The following CDK4 variants were observed in gnomAD, a reference collection of about 807,000 sequenced individuals.
The protein encoded by CDK4 is cyclin dependent kinase 4.
Under a neutral mutation model 36.7 loss-of-function variants are expected in CDK4, and 13 were observed. That is an observed-to-expected ratio of 0.35 (90% CI 0.23 to 0.56). The LOEUF (loss-of-function observed/expected upper bound fraction) is 0.56, where lower values mean the gene tolerates loss of function less well. CDK4 is among the 20% of genes least tolerant of loss of function. The probability of loss-of-function intolerance (pLI) is 0.85; values close to 1 mark genes in which losing one functional copy is unlikely to be tolerated. For synonymous variants in CDK4, 158 were observed against 146.4 expected, an observed-to-expected ratio of 1.08 and a Z score of -0.57; for missense variants, 285 against 387.3, an observed-to-expected ratio of 0.74 and a Z score of 2.22.
chr12:57,748,764 G>A (rs1277550178), intron 7 of CDK4, 147 bp from the exon 8 acceptor site: 4 of 643,770 alleles, frequency 6.2e-6, no homozygotes, highest in Non-Finnish European at 1.1e-5. Flanking sequence ...GGAGTGCAAT[G>A]GTATGATCTC....
At chr12:57,749,160 T>G (rs1595108591) in intron 7 of CDK4, 22 bp downstream of exon 7, 1 of 1,613,986 alleles carries the variant, frequency 6.2e-7, no homozygotes, top group East Asian at 2.2e-5. Flanking sequence ...TCTTTCCCTG[T>G]GCCCACAGCC....
chr12:57,749,121 C>T (rs1480993411), intron 7 of CDK4, 61 bp downstream of exon 7: 2 of 1,605,924 alleles, frequency 1.2e-6, no homozygotes, highest in Non-Finnish European at 1.7e-6. Context: ...GCCCTGCATA[C>T]TGCTCTATTT....
chr12:57,749,050 C>T, intron 7 of CDK4, 132 bp downstream of exon 7: 1 of 1,162,356 alleles, frequency 8.6e-7, no homozygotes, highest in Non-Finnish European at 1.3e-6. Context: ...TGGCTATTTG[C>T]AGCTGTAATA....
At position 57,751,703 on chromosome 12, in the gene CDK4, T is replaced by G. The variant is rs778325523; in HGVS notation, c.15A>C (p.Arg5=). 1 of 1,614,132 alleles carries G rather than the reference T, an allele frequency of 6.2e-7. No individual in the cohort carries two copies. The highest frequency in any genetic ancestry group is 8.5e-7 in the Non-Finnish European group (1 of 1,180,038). Residue 5 remains arginine, a synonymous_variant, in exon 2 of 8, where the codon CGA becomes CGC. Coordinates refer to ENST00000257904, the MANE Select transcript of CDK4 (RefSeq NM_000075.4). The surrounding 1 kb of genome is among the most constrained non-coding windows in gnomAD (Gnocchi z 4.5). The part of the protein sequence containing the change: MATS[R]YEPVAEIGVG... Reference sequence around the variant, plus strand: ...CACCAATTTCAGCCACTGGCTCATATCGAGAGGTAGCCATTCTCAGATCAA... The same window carrying G: ...CACCAATTTCAGCCACTGGCTCATAGCGAGAGGTAGCCATTCTCAGATCAA...
At chr12:57,752,076 T>C (rs1955244038) in intron 1 of CDK4, 99 bp downstream of exon 1, 1 of 373,708 alleles carries the variant, frequency 2.7e-6, no homozygotes, top group African/African-American at 2.1e-5. Flanking sequence ...CTTCCCGCCC[T>C]TGAGCGACCC....
chr12:57,748,047 T>C lies in CDK4; in HGVS notation c.*478A>G, dbSNP rs1595107128. 3 of 258,588 alleles carry C rather than the reference T, an allele frequency of 1.2e-5. No individual in the cohort carries two copies. The South Asian group carries it at 2.8e-4, about 25-fold the overall frequency. The allele number at this position is 258,588 out of a possible 1,614,324, so 16.0% of individuals were successfully genotyped here. On this transcript the variant is annotated 3_prime_UTR_variant, in exon 8 of 8. Transcript: ENST00000257904. The stretch of plus-strand genomic sequence containing the variant: ...GTGAGCCACCACGCCCCGCCTAAAA[T>C]CCATATTCAAAGAAGCAATTTCAGT...
At position 57,750,640 on chromosome 12, in the gene CDK4, T is replaced by C. The variant is rs1240250642; in HGVS notation, c.632+16A>G. 3 of 1,540,394 alleles carry C rather than the reference T, an allele frequency of 1.9e-6. No homozygotes were observed. Among genetic ancestry groups the C allele is most frequent in the Non-Finnish European group, 2.7e-6 (3 of 1,112,762 alleles). On this transcript the variant is annotated intron_variant, in intron 5 of 7. Transcript: ENST00000257904. ...TTGGGGAATTCAAGGTAGTCCAGGGTATGTGGGTCCCATACTTTCGACGAA... is the reference window on the plus strand; with the variant it reads ...TTGGGGAATTCAAGGTAGTCCAGGGCATGTGGGTCCCATACTTTCGACGAA...
rs771607042 is a variant in CDK4, at chr12:57,751,719, C to G, written c.-2G>C. ...TGGCTCATATCGAGAGGTAGCCATT[C>G]TCAGATCAAGGGAGACCCTACAATC... On this transcript the variant is annotated 5_prime_UTR_variant, in exon 2 of 8. Transcript: ENST00000257904. This position sits in a 1 kb window ranked among gnomAD's most constrained non-coding sequence, Gnocchi z 4.5. 6.2e-7 allele frequency: 1 copy of G among 1,614,022 alleles called. No individual in the cohort carries two copies. The highest frequency in any genetic ancestry group is 8.5e-7 in the Non-Finnish European group (1 of 1,179,916).
Position 57,748,228 on chromosome 12 carries a change from A to T in CDK4, c.*297T>A. 2.6e-6 allele frequency: 1 copy of T among 384,040 alleles called. No homozygotes were observed. Among genetic ancestry groups the T allele is most frequent in the Non-Finnish European group, 4.8e-6 (1 of 206,670 alleles). The allele number at this position is 384,040 out of a possible 1,614,324, so 23.8% of individuals were successfully genotyped here. ...AAACAGAGGAAGAAACATTAAAAAA[A>T]AAAAAAAGACCATTATTTCTTTGTT... On this transcript the variant is annotated 3_prime_UTR_variant, in exon 8 of 8. Transcript: ENST00000257904.
At chr12:57,749,886 A>G (rs1328183476) in intron 5 of CDK4, 2 of 299,620 alleles carry the variant, frequency 6.7e-6, no homozygotes, top group African/African-American at 2.2e-5. Flanking sequence ...GGTCCCAGCT[A>G]CTTGGGAGGC....
chr12:57,748,048 C>T lies in CDK4; in HGVS notation c.*477G>A, dbSNP rs1332147070. On this transcript the variant is annotated 3_prime_UTR_variant, in exon 8 of 8. Coordinates refer to ENST00000257904, the MANE Select transcript of CDK4 (RefSeq NM_000075.4). Reference sequence around the variant, plus strand: ...TGAGCCACCACGCCCCGCCTAAAATCCATATTCAAAGAAGCAATTTCAGTT... The same window carrying T: ...TGAGCCACCACGCCCCGCCTAAAATTCATATTCAAAGAAGCAATTTCAGTT... 3.9e-6 allele frequency: 1 copy of T among 255,810 alleles called. No homozygotes were observed. The highest frequency in any genetic ancestry group is 2.2e-5 in the African/African-American group (1 of 45,206). The allele number at this position is 255,810 out of a possible 1,614,324, so 15.8% of individuals were successfully genotyped here.
chr12:57,748,619 T>C lies in CDK4; in HGVS notation c.820-2A>G, dbSNP rs1955188376. 6.2e-7 allele frequency: 1 copy of C among 1,610,128 alleles called. No individual in the cohort carries two copies. Among genetic ancestry groups the C allele is most frequent in the Non-Finnish European group, 8.5e-7 (1 of 1,176,510 alleles). On this transcript the variant is annotated splice_acceptor_variant, in intron 7 of 7. Transcript: ENST00000257904. LOFTEE classifies it high-confidence loss of function. The stretch of plus-strand genomic sequence containing the variant: ...GTGTGGGTTAAAAGTCAGCATTTCC[T>C]GAGGGGAGAGGCAAAGGTCAGAAAA...
In CDK4 at chr12:57,751,591, C is replaced by G. The variant is rs1595111088; in HGVS notation, c.127G>C (p.Gly43Arg). The G allele has an allele frequency of 3.1e-6, 5 of 1,614,200 alleles. No homozygotes were observed. Among genetic ancestry groups the G allele is most frequent in the Non-Finnish European group, 4.2e-6 (5 of 1,180,026 alleles). Reference protein sequence around the residue: ...ALKSVRVPNGGGGGGGLPIST... With the variant: ...ALKSVRVPNGRGGGGGLPIST... ...ATGGGAAGGCCTCCTCCACCTCCTC[C>G]TCCATTGGGGACTCTCACACTCTTG... Residue 43 changes from glycine to arginine, a missense_variant, in exon 2 of 8, where the codon GGA (glycine) becomes CGA (arginine). Coordinates refer to ENST00000257904, the MANE Select transcript of CDK4 (RefSeq NM_000075.4). The surrounding 1 kb of genome is among the most constrained non-coding windows in gnomAD (Gnocchi z 4.5).
rs921450127 is a variant in CDK4 at position 57,749,261 on chromosome 12, C to T, written c.740G>A (p.Gly247Glu). ...GCGGGGCCCTCTGGGGGGAAAGGCT[C>T]CACGGGGCAGGGATACATCTCGAGG... is the stretch of plus-strand genomic sequence containing the variant. ...DWPRDVSLPR[G>E]AFPPRGPRPV... The change falls in exon 7 of 8, where the codon GGA (glycine) becomes GAA (glutamate). Residue 247 changes from glycine to glutamate, a missense_variant. Gly to Glu is a moderately conservative substitution (Grantham distance 98). Transcript: ENST00000257904. 2 of 1,614,154 alleles carry T rather than the reference C, an allele frequency of 1.2e-6. No individual in the cohort carries two copies. Among genetic ancestry groups the T allele is most frequent in the Non-Finnish European group, 1.7e-6 (2 of 1,179,986 alleles).
chr12:57,749,635 G>T, intron 5 of CDK4, 131 bp from the exon 6 acceptor site: 1 of 869,310 alleles, frequency 1.2e-6, no homozygotes, highest in Non-Finnish European at 1.9e-6. Flanking sequence ...GGGATGCTGA[G>T]GTGAGAGGAC....
chr12:57,752,058 A>C, intron 1 of CDK4, 117 bp downstream of exon 1: 1 of 388,308 alleles, frequency 2.6e-6, no homozygotes, highest in Non-Finnish European at 4.9e-6. Context: ...ATGACCACAA[A>C]GGCCCCACTT....
intron 7 of CDK4, chr12:57,748,950 C>T (rs1955195213): frequency 1.7e-6 from 1 of 600,622 alleles, no homozygotes. Context: ...AGGTGATACG[C>T]CCACCTTGGC....
rs1955228940 is a variant in CDK4 at position 57,750,917 on chromosome 12, A to G, written c.522+6T>C. The stretch of plus-strand genomic sequence containing the variant: ...GAACCCATTTTGGTACCATCTTTCT[A>G]CTGACCACGGGTGTAAGTGCCATCT... On this transcript the variant is annotated splice_donor_region_variant and intron_variant, in intron 4 of 7. Transcript: ENST00000257904. 1 of 1,614,030 alleles carries G rather than the reference A, an allele frequency of 6.2e-7. No homozygotes were observed. The highest frequency in any genetic ancestry group is 1.7e-5 in the Admixed American group (1 of 60,000).
At chr12:57,748,708 C>CTTT (rs545773931) in intron 7 of CDK4, 91 bp from the exon 8 acceptor site, 38 of 693,840 alleles carry the variant, frequency 5.5e-5, no homozygotes, top group East Asian at 1.1e-4. Flanking sequence ...CTTCTTTTTT[C>CTTT]TTTTTTTTTT....
Sources: gnomAD v4.1 joint callset for allele counts on GRCh38, gnomAD v4.1.1 for gene constraint, Gnocchi (gnomAD v3.1) non-coding constraint, MANE v1.5 for transcripts, NCBI Gene and HGNC (gene_info 2026-07-23, HGNC 2026-07-21) for gene names.